NOTCH2: variants seen among roughly 807,000 people sequenced by gnomAD.
The protein encoded by NOTCH2 is neurogenic locus notch homolog protein 2.
In NOTCH2, 29 loss-of-function variants were observed where a neutral mutation model predicts 235.8. The observed-to-expected ratio is 0.12, with a 90% CI of 0.09 to 0.17. The LOEUF (loss-of-function observed/expected upper bound fraction) is 0.17, where lower values mean the gene tolerates loss of function less well. Ranked by LOEUF, NOTCH2 falls within the 10% of genes least tolerant of loss-of-function variation. NOTCH2 has a pLI of 1.00. For missense variants in NOTCH2, 2,285 were observed against 3,150.2 expected (o/e 0.73, Z 6.57); for synonymous variants, 1,086 against 1,141.5 (o/e 0.95, Z 0.98).
intron 3 of NOTCH2, among the ~76,000 whole-genome samples, chr1:120,000,469 G>A (rs797028340): frequency 4.8e-5 from 7 of 144,422 alleles, no homozygotes; most frequent in African/African-American, 1.4e-4. Flanking sequence ...GGGAGGTGGA[G>A]CTTGCAGTGA....
At chr1:120,011,616 A>G (rs1653194500) in intron 2 of NOTCH2, among the ~76,000 whole-genome samples, 1 of 152,046 alleles carries the variant, frequency 6.6e-6, no homozygotes, top group Non-Finnish European at 1.5e-5. Flanking sequence ...TATGTATTGT[A>G]TATTTGCTAA....
chr1:119,957,829 A>AAC (rs3222739), intron 12 of NOTCH2, among the ~76,000 whole-genome samples: 18,084 of 116,166 alleles, frequency 0.16, 1,491 homozygotes, highest in Non-Finnish European at 0.18. Context: ...GCCTTATATA[A>AAC]ACACACACAC....
At chr1:119,939,899 T>C (rs782078064) in intron 19 of NOTCH2, among the ~76,000 whole-genome samples, 1 of 152,336 alleles carries the variant, frequency 6.6e-6, no homozygotes, top group Middle Eastern at 3.4e-3. Flanking sequence ...TTTATTCCTA[T>C]GTTCTTTGGA....
Position 119,920,235 on chromosome 1 carries a change from C to T in NOTCH2, c.5473G>A (p.Gly1825Ser). ...GAAGAGGCCCGGTGCTGACCTGGGC[C>T]ACGGACATTCACATCTAACACATCC... The part of the protein sequence containing the change: ...EVDVLDVNVR[G>S]PDGCTPLMLA... Residue 1825 changes from glycine to serine, a missense_variant, in exon 30 of 34, where the codon GGC becomes AGC. This residue lies in a region of NOTCH2 where 1,173 missense variants were observed against 1,515.3 expected (regional missense o/e 0.77). Coordinates refer to ENST00000256646, the MANE Select transcript of NOTCH2 (RefSeq NM_024408.4). 2 of 1,614,014 alleles carry T rather than the reference C, an allele frequency of 1.2e-6. No homozygotes were observed. The highest frequency in any genetic ancestry group is 1.7e-6 in the Non-Finnish European group (2 of 1,179,962).
chr1:120,066,311 C>T (rs1386058688), intron 1 of NOTCH2, among the ~76,000 whole-genome samples: 1 of 149,296 alleles, frequency 6.7e-6, no homozygotes, highest in African/African-American at 2.5e-5. Flanking sequence ...TGGGTTGCAA[C>T]CAAGTTACTT....
intron 15 of NOTCH2, among the ~76,000 whole-genome samples, chr1:119,949,921 GA>G (rs1553197532): frequency 6.6e-6 from 1 of 151,992 alleles, no homozygotes; most frequent in African/African-American, 2.4e-5. Flanking sequence ...CTCTGAATGA[GA>G]AAAATAGATG....
chr1:119,934,199 C>T (rs1649768266), intron 22 of NOTCH2, among the ~76,000 whole-genome samples: 1 of 152,148 alleles, frequency 6.6e-6, no homozygotes, highest in Non-Finnish European at 1.5e-5. Context: ...TGTTTGGGTC[C>T]CTGGATCTTC....
chr1:119,945,832 A>G (rs587670518), intron 17 of NOTCH2, among the ~76,000 whole-genome samples: 6 of 152,226 alleles, frequency 3.9e-5, no homozygotes, highest in Admixed American at 2.6e-4. Flanking sequence ...TCTATGAATA[A>G]TAAGTAGACA....
chr1:120,013,884 C>T (rs1318199843), intron 2 of NOTCH2, among the ~76,000 whole-genome samples: 8 of 151,726 alleles, frequency 5.3e-5, no homozygotes, highest in Non-Finnish European at 5.9e-5. Flanking sequence ...AGAGTGAAAA[C>T]ATGGCTAAAC....
rs11809161 is a variant in NOTCH2 at position 120,069,655 on chromosome 1, A to T, written c.-249T>A. 16 of 1,347,120 alleles carry T rather than the reference A, an allele frequency of 1.2e-5. No homozygotes were observed. In the African/African-American group the frequency reaches 2.2e-4, roughly 19 times the overall value. 83.4% of individuals were successfully genotyped at this position (1,347,120 alleles called of 1,614,324 possible). A position where few individuals can be genotyped will look rare whatever the true frequency, so the allele number is the denominator to read the frequency against. On this transcript the variant is annotated 5_prime_UTR_variant, in exon 1 of 34. Coordinates refer to ENST00000256646, the MANE Select transcript of NOTCH2 (RefSeq NM_024408.4). Reference sequence around the variant, plus strand: ...TGAAACTTTCTCGGGTGTGCAACGAAGCAGCCTCGTGTGTCCTTCCGCCTC... The same window carrying T: ...TGAAACTTTCTCGGGTGTGCAACGATGCAGCCTCGTGTGTCCTTCCGCCTC...
chr1:120,061,172 T>TATTC (rs1371976437), intron 1 of NOTCH2, among the ~76,000 whole-genome samples: 15 of 151,990 alleles, frequency 9.9e-5, no homozygotes, highest in African/African-American at 3.1e-4. Flanking sequence ...GTTTTGTGAT[T>TATTC]ATTCATACTT....
intron 2 of NOTCH2, among the ~76,000 whole-genome samples, chr1:120,017,357 A>T (rs1570750916): frequency 6.6e-6 from 1 of 152,154 alleles, no homozygotes; most frequent in South Asian, 2.1e-4. Context: ...TTCCTGTGAA[A>T]AACAGCCTTG....
At chr1:119,967,382 T>C (rs1651183247) in intron 8 of NOTCH2, 51 bp downstream of exon 8, 2 of 1,510,172 alleles carry the variant, frequency 1.3e-6, no homozygotes, top group Non-Finnish European at 9.2e-7. Flanking sequence ...CCAAGAGAAG[T>C]TCAGAACAGT....
At chr1:119,952,081 A>G (rs1490957615) in intron 14 of NOTCH2, among the ~76,000 whole-genome samples, 1 of 152,256 alleles carries the variant, frequency 6.6e-6, no homozygotes, top group Non-Finnish European at 1.5e-5. Context: ...GAGGAAATCA[A>G]TGAATAAATA....
At chr1:119,958,460 A>C (rs1434151403) in intron 12 of NOTCH2, among the ~76,000 whole-genome samples, 1 of 152,152 alleles carries the variant, frequency 6.6e-6, no homozygotes, top group Non-Finnish European at 1.5e-5. Flanking sequence ...TCTATCAAAA[A>C]CTCTGAAGGG....
chr1:120,036,959 T>A (rs1300206314), intron 1 of NOTCH2, among the ~76,000 whole-genome samples: 1 of 152,210 alleles, frequency 6.6e-6, no homozygotes. Context: ...TAGGAATCTC[T>A]AACATGAGTA....
chr1:119,948,009 G>A (rs1650324334), intron 17 of NOTCH2, among the ~76,000 whole-genome samples: 1 of 152,178 alleles, frequency 6.6e-6, no homozygotes, highest in African/African-American at 2.4e-5. Flanking sequence ...ATTGCAATGG[G>A]ATGAAGATAG....
At position 119,913,186 on chromosome 1, in the gene NOTCH2, G is replaced by C. The variant is rs188874034; in HGVS notation, c.*2120C>G. The stretch of plus-strand genomic sequence containing the variant: ...ATGTTTGCACACTATGAAAGAGGCT[G>C]ACAGAATGTTGCCACATGGAGAGAA... On this transcript the variant is annotated 3_prime_UTR_variant, in exon 34 of 34. Transcript: ENST00000256646. 4.3e-6 allele frequency: 1 copy of C among 233,320 alleles called. No individual in the cohort carries two copies. Among genetic ancestry groups the C allele is most frequent in the African/African-American group, 2.2e-5 (1 of 45,482 alleles). 14.5% of individuals were successfully genotyped at this position (233,320 alleles called of 1,614,324 possible).
Position 119,918,614 on chromosome 1 carries a change from A to C in NOTCH2, c.5782-61T>G, listed in dbSNP as rs368252737. 12 of 1,572,098 alleles carry C rather than the reference A, an allele frequency of 7.6e-6. No homozygotes were observed. The East Asian group carries it at 9.0e-5, about 12-fold the overall frequency. The stretch of plus-strand genomic sequence containing the variant: ...TGGATGAAGGAAAATAATGAAACTC[A>C]GTGAAGAAACAAGGGCATCAGAGCT... On this transcript the variant is annotated intron_variant, in intron 31 of 33. Coordinates refer to ENST00000256646, the MANE Select transcript of NOTCH2 (RefSeq NM_024408.4).
Sources: gnomAD v4.1 joint callset for allele counts (sites outside exome capture counted in the v4.1 genomes callset) on GRCh38, gnomAD v4.1.1 for gene constraint, gnomAD v4.1.1 regional missense constraint, MANE v1.5 for transcripts, NCBI Gene and HGNC (gene_info 2026-07-23, HGNC 2026-07-21) for gene names.